The following TULP3 variants were observed in gnomAD, a reference collection of about 807,000 sequenced individuals.
TULP3 encodes the protein TUB like protein 3.
Under a neutral mutation model 50.7 loss-of-function variants are expected in TULP3, and 38 were observed. The observed-to-expected ratio is 0.75, with a 90% CI of 0.58 to 0.98. The LOEUF is 0.98. Ranked by LOEUF, TULP3 falls within the 50% of genes least tolerant of loss-of-function variation. The pLI is 0.00. For missense variants in TULP3, 550 were observed against 568.0 expected (o/e 0.97, Z 0.32); for synonymous variants, 183 against 196.6 (o/e 0.93, Z 0.58).
chr12:2,930,875 C>G (rs2098197580), intron 5 of TULP3, 162 bp from the exon 6 acceptor site: 1 of 751,148 alleles, frequency 1.3e-6, no homozygotes, highest in South Asian at 1.6e-5. Context: ...TCATTACTCT[C>G]AATATTCATA....
At chr12:2,891,061 C>CG in intron 1 of TULP3, 73 bp downstream of exon 1, 1 of 1,439,856 alleles carries the variant, frequency 6.9e-7, no homozygotes, top group Non-Finnish European at 9.2e-7. Flanking sequence ...AGGTCCTCTC[C>CG]GGGAGCCCTG....
intron 6 of TULP3, among the ~76,000 whole-genome samples, chr12:2,931,725 T>C (rs2098198155): frequency 6.6e-6 from 1 of 152,164 alleles, no homozygotes; most frequent in South Asian, 2.1e-4. Flanking sequence ...TTTTATTAAT[T>C]TTGTATTAAT....
rs867094168 is a variant in TULP3, at chr12:2,899,365, C to A, written c.41+8377C>A. On this transcript the variant is annotated intron_variant, in intron 1 of 10. Coordinates refer to ENST00000448120, the MANE Select transcript of TULP3 (RefSeq NM_003324.5). ...CGTCTCAAAAAAAAAAAAAAAAAAA[C>A]AGCGAAATTCATTCTTAGCTCAAAG... is the stretch of plus-strand genomic sequence containing the variant. Among the ~76,000 whole-genome samples the A allele has an allele frequency of 6.8e-3, 712 of 104,402 alleles. 7 individuals carry two copies. Among genetic ancestry groups the A allele is most frequent in the Admixed American group, 0.011 (119 of 10,816 alleles). The allele number at this position is 104,402 out of a possible 152,430, so 68.5% of individuals were successfully genotyped here. A position where few individuals can be genotyped will look rare whatever the true frequency, so the allele number is the denominator to read the frequency against.
chr12:2,916,723 A>C (rs2098188888), intron 2 of TULP3, among the ~76,000 whole-genome samples: 1 of 152,158 alleles, frequency 6.6e-6, no homozygotes, highest in Non-Finnish European at 1.5e-5. Context: ...CACAAGTAGC[A>C]CTTCTCTCCT....
intron 3 of TULP3, 96 bp from the exon 4 acceptor site, chr12:2,922,166 T>G: frequency 7.2e-7 from 1 of 1,389,474 alleles, no homozygotes; most frequent in South Asian, 1.4e-5. Context: ...TAAAATGATT[T>G]GGTAGTTCTT....
chr12:2,939,390 A>G lies in TULP3; in HGVS notation c.1275A>G (p.Val425=), dbSNP rs1404402988. ...ATTACAACTACCCACTTTGTGCAGT[A>G]CAGGCCTTTGGCATCGGTCTTTCTA... The part of the protein sequence containing the change: ...TLDYNYPLCA[V]QAFGIGLSSF... Residue 425 remains valine, a synonymous_variant, in exon 11 of 11, where the codon GTA becomes GTG. Transcript: ENST00000448120. This position sits in a 1 kb window ranked among gnomAD's most constrained non-coding sequence, Gnocchi z 4.0. 3.7e-6 allele frequency: 6 copies of G among 1,614,242 alleles called. No individual in the cohort carries two copies. Among genetic ancestry groups the G allele is most frequent in the South Asian group, 3.3e-5 (3 of 91,092 alleles).
Position 2,940,142 on chromosome 12 carries a change from T to C in TULP3, c.*698T>C. 7.7e-7 allele frequency: 1 copy of C among 1,296,152 alleles called. No homozygotes were observed. Among genetic ancestry groups the C allele is most frequent in the South Asian group, 1.2e-5 (1 of 81,078 alleles). 80.3% of individuals were successfully genotyped at this position (1,296,152 alleles called of 1,614,324 possible). A position where few individuals can be genotyped will look rare whatever the true frequency, so the allele number is the denominator to read the frequency against. ...AGGCTGAAAGCATAAACTCTAGAGGTGACTCAGTCAGGACTGACAGTAATG... is the reference window on the plus strand; with the variant it reads ...AGGCTGAAAGCATAAACTCTAGAGGCGACTCAGTCAGGACTGACAGTAATG... On this transcript the variant is annotated 3_prime_UTR_variant, in exon 11 of 11. Coordinates refer to ENST00000448120, the MANE Select transcript of TULP3 (RefSeq NM_003324.5).
intron 2 of TULP3, among the ~76,000 whole-genome samples, chr12:2,918,390 G>T (rs555083723): frequency 1.3e-5 from 2 of 151,914 alleles, no homozygotes; most frequent in African/African-American, 4.8e-5. Flanking sequence ...GGGATTACAG[G>T]CGTGAGCCAC....
chr12:2,913,969 A>G (rs537417700), intron 2 of TULP3, among the ~76,000 whole-genome samples: 3 of 152,262 alleles, frequency 2.0e-5, no homozygotes, highest in South Asian at 2.1e-4. Context: ...GGTACACATG[A>G]TATTTGATAT....
At chr12:2,937,231 T>TTTTTTTC (rs1555115468) in intron 8 of TULP3, among the ~76,000 whole-genome samples, 1 of 130,312 alleles carries the variant, frequency 7.7e-6, no homozygotes. Flanking sequence ...TTTTTTTTTT[T>TTTTTTTC]CTGAGGCAGA....
chr12:2,905,039 C>T (rs1192878131), intron 1 of TULP3, among the ~76,000 whole-genome samples: 4 of 146,122 alleles, frequency 2.7e-5, no homozygotes, highest in African/African-American at 5.1e-5. Flanking sequence ...GAGCTGAGAT[C>T]GTGCCACTGC....
At chr12:2,928,934 G>A (rs1269485729) in intron 4 of TULP3, among the ~76,000 whole-genome samples, 1 of 151,996 alleles carries the variant, frequency 6.6e-6, no homozygotes, top group African/African-American at 2.4e-5. Context: ...AACAGAGTGA[G>A]ACTCCATCTC....
intron 4 of TULP3, among the ~76,000 whole-genome samples, chr12:2,926,992 CA>C (rs538703828): frequency 1.3e-5 from 2 of 152,082 alleles, no homozygotes; most frequent in East Asian, 3.8e-4. Flanking sequence ...TCATCACCCC[CA>C]AAAGAAACCT....
At chr12:2,912,969 CTT>C (rs1555112974) in intron 2 of TULP3, among the ~76,000 whole-genome samples, 10 of 106,016 alleles carry the variant, frequency 9.4e-5, no homozygotes, top group East Asian at 3.1e-4. Flanking sequence ...TTAACACGTT[CTT>C]TTTTTTTTTT....
chr12:2,917,041 T>G (rs906665090), intron 2 of TULP3, among the ~76,000 whole-genome samples: 3 of 152,148 alleles, frequency 2.0e-5, no homozygotes, highest in African/African-American at 7.2e-5. Context: ...GAACTGGATA[T>G]AACCAGGTCC....
At chr12:2,930,085 C>G (rs542571929) in intron 4 of TULP3, among the ~76,000 whole-genome samples, 163 bp from the exon 5 acceptor site, 4 of 152,294 alleles carry the variant, frequency 2.6e-5, no homozygotes, top group Non-Finnish European at 4.4e-5. Context: ...ATTCTACTTT[C>G]TGTCTCTATG....
intron 9 of TULP3, 92 bp from the exon 10 acceptor site, chr12:2,938,022 T>C: frequency 7.0e-7 from 1 of 1,431,526 alleles, no homozygotes; most frequent in Non-Finnish European, 9.6e-7. Context: ...TGGTTTACCC[T>C]TTCTGAAATG....
intron 1 of TULP3, among the ~76,000 whole-genome samples, chr12:2,893,026 G>A (rs1279140577): frequency 6.6e-6 from 1 of 151,724 alleles, no homozygotes; most frequent in East Asian, 1.9e-4. Context: ...GGCACCACCT[G>A]GCTAATTTCT....
chr12:2,940,758 G>C lies in TULP3; in HGVS notation c.*1314G>C. 6.6e-7 allele frequency: 1 copy of C among 1,526,430 alleles called. No individual in the cohort carries two copies. Among genetic ancestry groups the C allele is most frequent in the South Asian group, 1.2e-5 (1 of 80,418 alleles). The allele number at this position is 1,526,430 out of a possible 1,614,324, so 94.6% of individuals were successfully genotyped here. The stretch of plus-strand genomic sequence containing the variant: ...GCCAACTGGCAGCTGCGGGACCCTT[G>C]GCTTGTCCCCCACCGACAAGTCCCA... On this transcript the variant is annotated 3_prime_UTR_variant, in exon 11 of 11. Coordinates refer to ENST00000448120, the MANE Select transcript of TULP3 (RefSeq NM_003324.5).
Sources: gnomAD v4.1 joint callset for allele counts (sites outside exome capture counted in the v4.1 genomes callset) on GRCh38, gnomAD v4.1.1 for gene constraint, Gnocchi (gnomAD v3.1) non-coding constraint, MANE v1.5 for transcripts, NCBI Gene and HGNC (gene_info 2026-07-23, HGNC 2026-07-21) for gene names.